The following OTOGL variants were observed in gnomAD, a reference collection of about 807,000 sequenced individuals.
OTOGL encodes the protein otogelin like.
Under a neutral mutation model 318.5 loss-of-function variants are expected in OTOGL, and 285 were observed. The observed-to-expected ratio is 0.89, with a 90% confidence interval of 0.81 to 0.99. The LOEUF is 0.99. Ranked by LOEUF, OTOGL falls within the 50% of genes least tolerant of loss-of-function variation. OTOGL has a pLI of 0.00. For missense variants in OTOGL, 2,899 were observed against 2,845.6 expected, an observed-to-expected ratio of 1.02 and a Z score of -0.43; for synonymous variants, 987 against 936.5, an observed-to-expected ratio of 1.05 and a Z score of -0.99.
chr12:80,355,970 A>C, intron 47 of OTOGL, 22 bp downstream of exon 47: 1 of 1,601,872 alleles, frequency 6.2e-7, no homozygotes, highest in South Asian at 1.1e-5. Flanking sequence ...GAAGCCTTAT[A>C]GTCAATTGAT....
chr12:80,188,504 T>C (rs1310280725), intron 1 of OTOGL, among the ~76,000 whole-genome samples: 1 of 150,818 alleles, frequency 6.6e-6, no homozygotes, highest in African/African-American at 2.4e-5. Context: ...CACCACTGCA[T>C]TCCAGCCTGG....
chr12:80,356,341 C>A, intron 47 of OTOGL, 75 bp from the exon 48 acceptor site: 1 of 1,105,462 alleles, frequency 9.0e-7, no homozygotes, highest in South Asian at 1.5e-5. Flanking sequence ...CTTGAGTTGG[C>A]AGTCATTTCC....
intron 1 of OTOGL, among the ~76,000 whole-genome samples, chr12:80,150,944 A>T (rs1220021467): frequency 6.6e-6 from 1 of 152,166 alleles, no homozygotes; most frequent in Non-Finnish European, 1.5e-5. Flanking sequence ...ACAAAATAAT[A>T]TTTGATTTTG....
chr12:80,205,988 C>T (rs1356541615), intron 1 of OTOGL, among the ~76,000 whole-genome samples: 1 of 152,138 alleles, frequency 6.6e-6, no homozygotes. Flanking sequence ...GATCATATTC[C>T]ATGTGGGAAA....
intron 19 of OTOGL, among the ~76,000 whole-genome samples, 174 bp from the exon 20 acceptor site, chr12:80,264,827 A>C (rs1420144384): frequency 6.6e-6 from 1 of 152,184 alleles, no homozygotes; most frequent in East Asian, 1.9e-4. Flanking sequence ...ATGTGGATTA[A>C]GTGCTGTTAC....
chr12:80,163,738 T>G (rs758714248), intron 1 of OTOGL, among the ~76,000 whole-genome samples: 2 of 152,094 alleles, frequency 1.3e-5, no homozygotes, highest in Non-Finnish European at 2.9e-5. Context: ...TCTTTTGGGA[T>G]CAATGGGCCC....
chr12:80,305,408 AT>A (rs1886041477), intron 28 of OTOGL, among the ~76,000 whole-genome samples, 167 bp from the exon 29 acceptor site: 1 of 152,234 alleles, frequency 6.6e-6, no homozygotes, highest in Non-Finnish European at 1.5e-5. Context: ...ACAAAATATA[AT>A]TAAATTGGTA....
In OTOGL at chr12:80,229,315, T is replaced by C. The variant is rs1398577410; in HGVS notation, c.548T>C (p.Leu183Ser). ...SVYSCYRSIS[L>S]FFSNQEEIRI... ...TATTCTTGTTATCGGTCAATCAGCT[T>C]GTTCTTTTCAAACCAAGAGGAAATT... Residue 183 changes from leucine to serine, a missense_variant, in exon 8 of 59, where the codon TTG becomes TCG. This residue lies in a region of OTOGL where 2,607 missense variants were observed against 2,524.9 expected (regional missense o/e 1.03). Coordinates refer to ENST00000547103, the MANE Select transcript of OTOGL (RefSeq NM_001378609.3). 2 of 1,596,086 alleles carry C rather than the reference T, an allele frequency of 1.3e-6. No homozygotes were observed. Among genetic ancestry groups the C allele is most frequent in the African/African-American group, 2.7e-5 (2 of 74,922 alleles).
intron 1 of OTOGL, among the ~76,000 whole-genome samples, chr12:80,123,898 T>C (rs1870643647): frequency 6.6e-6 from 1 of 152,216 alleles, no homozygotes; most frequent in Non-Finnish European, 1.5e-5. Context: ...TGTTTTTTTC[T>C]TGTAAATTTG....
chr12:80,179,335 C>G (rs1052375410), intron 1 of OTOGL, among the ~76,000 whole-genome samples: 14 of 152,146 alleles, frequency 9.2e-5, no homozygotes, highest in Admixed American at 3.3e-4. Context: ...GAAAATGGGC[C>G]ATGCTTCATT....
chr12:80,165,935 G>C (rs1873801733), intron 1 of OTOGL, among the ~76,000 whole-genome samples: 1 of 152,142 alleles, frequency 6.6e-6, no homozygotes, highest in South Asian at 2.1e-4. Flanking sequence ...TCTGTGTTCT[G>C]TCAGGACCCT....
At chr12:80,110,471 C>T (rs1009924419) in intron 1 of OTOGL, among the ~76,000 whole-genome samples, 1 of 152,104 alleles carries the variant, frequency 6.6e-6, no homozygotes, top group Non-Finnish European at 1.5e-5. Flanking sequence ...TTCTCATTTT[C>T]GACACCCACT....
chr12:80,296,306 C>A (rs1242370799), intron 26 of OTOGL, among the ~76,000 whole-genome samples: 1 of 152,160 alleles, frequency 6.6e-6, no homozygotes, highest in African/African-American at 2.4e-5. Flanking sequence ...AAAAAGTTTT[C>A]ATGAGAACTA....
In OTOGL at chr12:80,355,910, T is replaced by C. The variant is rs777773391; in HGVS notation, c.5768T>C (p.Ile1923Thr). 6.2e-7 allele frequency: 1 copy of C among 1,613,958 alleles called. No homozygotes were observed. Reference sequence around the variant, plus strand: ...CGAGAAGCTGAAGTTGTCATGGGCATCATTGATAAATGGACCTGCTGTTCA... The same window carrying C: ...CGAGAAGCTGAAGTTGTCATGGGCACCATTGATAAATGGACCTGCTGTTCA... ...CEREAEVVMG[I>T]IDKWTCCSKE... Residue 1923 changes from isoleucine to threonine, a missense_variant, in exon 47 of 59, where the codon ATC (isoleucine) becomes ACC (threonine). This residue lies in a region of OTOGL where 2,607 missense variants were observed against 2,524.9 expected (regional missense o/e 1.03). Transcript: ENST00000547103.
At chr12:80,277,501 A>G (rs1883900993) in intron 24 of OTOGL, among the ~76,000 whole-genome samples, 1 of 149,410 alleles carries the variant, frequency 6.7e-6, no homozygotes, top group Non-Finnish European at 1.5e-5. Context: ...ATATTAATAT[A>G]TAACATTTGT....
At chr12:80,105,431 A>G (rs1291714355) in intron 1 of OTOGL, among the ~76,000 whole-genome samples, 1 of 152,238 alleles carries the variant, frequency 6.6e-6, no homozygotes, top group African/African-American at 2.4e-5. Flanking sequence ...TATCCTAGCT[A>G]CATTTCTGAA....
intron 4 of OTOGL, among the ~76,000 whole-genome samples, chr12:80,216,168 ACG>A (rs1436530789): frequency 1.3e-5 from 2 of 152,132 alleles, no homozygotes; most frequent in Non-Finnish European, 2.9e-5. Flanking sequence ...ATGATATAGC[ACG>A]GGTAGATTTT....
intron 5 of OTOGL, among the ~76,000 whole-genome samples, chr12:80,218,455 A>T (rs1877952196): frequency 6.6e-6 from 1 of 152,216 alleles, no homozygotes; most frequent in South Asian, 2.1e-4. Context: ...TGGTCAAATG[A>T]TCAATTATAT....
intron 1 of OTOGL, among the ~76,000 whole-genome samples, chr12:80,136,968 G>GC (rs1871614491): frequency 6.6e-6 from 1 of 151,914 alleles, no homozygotes; most frequent in South Asian, 2.1e-4. Flanking sequence ...ATATTACTTA[G>GC]CACATGATAG....
Sources: allele counts gnomAD v4.1 joint callset (sites outside exome capture counted in the v4.1 genomes callset), GRCh38; gene constraint gnomAD v4.1.1; regional missense constraint gnomAD v4.1.1; transcripts MANE v1.5; gene names NCBI Gene and HGNC (gene_info 2026-07-23, HGNC 2026-07-21).